The following IDUA variants were observed in gnomAD, a reference collection of about 807,000 sequenced individuals.
The protein encoded by IDUA is alpha-L-iduronidase.
Under a neutral mutation model 68.9 loss-of-function variants are expected in IDUA, and 65 were observed. That is an observed-to-expected ratio of 0.94 (90% CI 0.77 to 1.16). The LOEUF (loss-of-function observed/expected upper bound fraction) is 1.16. Among genes scored for constraint, IDUA ranks in the 50% most tolerant of loss-of-function variants. The pLI is 0.00. For missense variants in IDUA, 1,046 were observed against 938.0 expected (o/e 1.12, Z -1.50); for synonymous variants, 529 against 433.6 (o/e 1.22, Z -2.73).
intron 2 of IDUA, chr4:991,386 GAA>G: frequency 6.2e-7 from 1 of 1,612,750 alleles, no homozygotes; most frequent in East Asian, 2.2e-5. Context: ...GGTTGGCGAA[GAA>G]GGACGTATAG....
chr4:988,626 G>C, intron 2 of IDUA: 1 of 1,383,144 alleles, frequency 7.2e-7, no homozygotes. Context: ...GGAGGCAGAG[G>C]TTCTTGATTT....
In IDUA at chr4:1,004,367, G is replaced by A; in HGVS notation, c.1936G>A (p.Gly646Arg). ...VPYLEVPVPR[G>R]PPSPGNP is the part of the protein sequence containing the mutation. ...GTACCTGGAGGTCCCTGTGCCAAGA[G>A]GGCCCCCATCCCCGGGCAATCCATG... Residue 646 changes from glycine (G) to arginine (R), a missense_variant, in exon 14 of 14, where the codon GGG (glycine) becomes AGG (arginine). By Grantham distance (125) the Gly-to-Arg change is moderately radical (BLOSUM62 -2). Transcript: ENST00000514224. The surrounding 1 kb of genome is among the most constrained non-coding windows in gnomAD (Gnocchi z 5.0). The A allele has an allele frequency of 6.2e-7, 1 of 1,611,234 alleles. No individual in the cohort carries two copies. The highest frequency in any genetic ancestry group is 1.3e-5 in the African/African-American group (1 of 75,020).
chr4:1,003,253 G>T (rs1478154278), intron 10 of IDUA, 92 bp from the exon 11 acceptor site: 4 of 1,329,376 alleles, frequency 3.0e-6, no homozygotes. Flanking sequence ...TGGGTGGGAG[G>T]TGGAGCGGTG....
chr4:1,002,452 G>T lies in IDUA; in HGVS notation c.1156G>T (p.Val386Leu). ...GCACGTGCAGCTGTTGCGCAAGCCGGTGCTCACGGCCATGGGGCTGCTGGC... is the reference window on the plus strand; with the variant it reads ...GCACGTGCAGCTGTTGCGCAAGCCGTTGCTCACGGCCATGGGGCTGCTGGC... ...PPHVQLLRKP[V>L]LTAMGLLALL... Residue 386 changes from valine to leucine, a missense_variant, in exon 8 of 14, where the codon GTG (valine) becomes TTG (leucine). Val to Leu is a conservative substitution (Grantham distance 32). Coordinates refer to ENST00000514224, the MANE Select transcript of IDUA (RefSeq NM_000203.5). The T allele has an allele frequency of 6.4e-7, 1 of 1,557,046 alleles. No homozygotes were observed. The highest frequency in any genetic ancestry group is 1.2e-5 in the South Asian group (1 of 84,918).
Position 1,003,394 on chromosome 4 carries a change from C to A in IDUA, c.1574C>A (p.Thr525Asn). 1 of 1,522,130 alleles carries A rather than the reference C, an allele frequency of 6.6e-7. No individual in the cohort carries two copies. Among genetic ancestry groups the A allele is most frequent in the Admixed American group, 2.0e-5 (1 of 50,072 alleles). 94.3% of individuals were successfully genotyped at this position (1,522,130 alleles called of 1,614,324 possible). A position where few individuals can be genotyped will look rare whatever the true frequency, so the allele number is the denominator to read the frequency against. Reference protein sequence around the residue: ...PRPLPAGGRLTLRPALRLPSL... With the variant: ...PRPLPAGGRLNLRPALRLPSL... ...CCCTTACCCGCCGGCGGCCGCCTGA[C>A]CCTGCGCCCCGCGCTGCGGCTGCCG... Residue 525 changes from threonine (T) to asparagine (N), a missense_variant, in exon 11 of 14, where the codon ACC becomes AAC. Physicochemically the swap from Thr to Asn is moderately conservative, Grantham distance 65. Transcript: ENST00000514224.
intron 4 of IDUA, chr4:1,001,216 C>T (rs1400521197): frequency 2.7e-5 from 17 of 621,584 alleles, no homozygotes; most frequent in Non-Finnish European, 2.3e-5. Flanking sequence ...AGGCCCTGGG[C>T]CCCTGGGGTG....
intron 2 of IDUA, among the ~76,000 whole-genome samples, chr4:993,630 C>CG (rs1168500819): frequency 4.2e-4 from 62 of 149,378 alleles, no homozygotes; most frequent in Non-Finnish European, 6.9e-4. Context: ...TGCGGCCCTG[C>CG]CGGGGGGGCT....
In IDUA at chr4:995,653, C is replaced by G. The variant is rs561676127; in HGVS notation, c.300-4959C>G. 2.6e-4 allele frequency among the ~76,000 whole-genome samples: 40 copies of G among 152,360 alleles called. 1 individual carries two copies. In the South Asian group the frequency reaches 7.4e-3, roughly 28 times the overall value. On this transcript the variant is annotated intron_variant, in intron 2 of 13. Coordinates refer to ENST00000514224, the MANE Select transcript of IDUA (RefSeq NM_000203.5). Reference sequence around the variant, plus strand: ...GAAGCCGAGGGTCTCGCAGAACCAGCTGATGTGCCGGGGCTCCATTTCCCC... The same window carrying G: ...GAAGCCGAGGGTCTCGCAGAACCAGGTGATGTGCCGGGGCTCCATTTCCCC...
In IDUA at chr4:988,941, G is replaced by A. The variant is rs145547219; in HGVS notation, c.299+992G>A. On this transcript the variant is annotated intron_variant, in intron 2 of 13. Coordinates refer to ENST00000514224, the MANE Select transcript of IDUA (RefSeq NM_000203.5). Reference sequence around the variant, plus strand: ...GCTCCTCCTCAGCCGTGTCCCCGGGGCCCTCCCCGAGGAAGCCTCCTCTGC... The same window carrying A: ...GCTCCTCCTCAGCCGTGTCCCCGGGACCCTCCCCGAGGAAGCCTCCTCTGC... The A allele has an allele frequency of 1.2e-4, 184 of 1,598,058 alleles. No homozygotes were observed. Among genetic ancestry groups the A allele is most frequent in the Non-Finnish European group, 1.4e-4 (165 of 1,173,302 alleles).
chr4:1,001,796 G>A lies in IDUA; in HGVS notation c.707G>A (p.Gly236Asp), dbSNP rs1250362489. ...HTPPRSPLSW[G>D]LLRHCHDGTN... is the part of the protein sequence containing the mutation. ...CCACCGCGATCCCCGCTGAGCTGGGGCCTCCTGCGCCACTGCCACGACGGT... is the reference window on the plus strand; with the variant it reads ...CCACCGCGATCCCCGCTGAGCTGGGACCTCCTGCGCCACTGCCACGACGGT... Residue 236 changes from glycine (G) to aspartate (D), a missense_variant, in exon 6 of 14, where the codon GGC becomes GAC. Coordinates refer to ENST00000514224, the MANE Select transcript of IDUA (RefSeq NM_000203.5). 5 of 1,603,906 alleles carry A rather than the reference G, an allele frequency of 3.1e-6. No individual in the cohort carries two copies. Among genetic ancestry groups the A allele is most frequent in the African/African-American group, 1.3e-5 (1 of 74,854 alleles).
At chr4:988,467 G>A (rs1713926461) in intron 2 of IDUA, 3 of 1,108,784 alleles carry the variant, frequency 2.7e-6, no homozygotes, top group Non-Finnish European at 3.3e-6. Flanking sequence ...TGGGCATAGG[G>A]AGTCCTCTTG....
intron 2 of IDUA, chr4:992,149 C>T (rs925968733): frequency 2.1e-5 from 10 of 473,120 alleles, no homozygotes; most frequent in East Asian, 6.4e-5. Context: ...ATGTGCCTAC[C>T]GTCAGAATGT....
intron 2 of IDUA, chr4:991,435 T>C (rs768866040): frequency 6.2e-7 from 1 of 1,612,702 alleles, no homozygotes; most frequent in Non-Finnish European, 8.5e-7. Flanking sequence ...CAGCAATGAG[T>C]AGGCGATGGC....
At chr4:988,459 G>A in intron 2 of IDUA, 1 of 1,108,986 alleles carries the variant, frequency 9.0e-7, no homozygotes, top group Non-Finnish European at 1.1e-6. Context: ...GGCAGGCCTG[G>A]GCATAGGGAG....
intron 2 of IDUA, chr4:989,705 T>G (rs1224319418): frequency 6.4e-7 from 1 of 1,559,834 alleles, no homozygotes; most frequent in East Asian, 2.4e-5. Context: ...GACAGCTGTG[T>G]CCGGCAGCCA....
At chr4:991,640 G>C in intron 2 of IDUA, 1 of 1,559,884 alleles carries the variant, frequency 6.4e-7, no homozygotes, top group Non-Finnish European at 8.6e-7. Flanking sequence ...CGGGGTGCTG[G>C]GCGCTGCCGT....
chr4:1,003,994 T>G lies in IDUA; in HGVS notation c.1728-18T>G. ...GACTGTCTTGACCCCAGCCTTGTTC[T>G]TGGCCTGACCTCCCCAGGTGCCTGT... On this transcript the variant is annotated intron_variant, in intron 12 of 13. Coordinates refer to ENST00000514224, the MANE Select transcript of IDUA (RefSeq NM_000203.5). 6.2e-7 allele frequency: 1 copy of G among 1,602,348 alleles called. No individual in the cohort carries two copies. Among genetic ancestry groups the G allele is most frequent in the Non-Finnish European group, 8.5e-7 (1 of 1,170,554 alleles).
intron 2 of IDUA, 76 bp from the exon 3 acceptor site, chr4:1,000,536 T>C: frequency 1.5e-5 from 17 of 1,162,408 alleles, no homozygotes; most frequent in Non-Finnish European, 2.2e-5. Context: ...ACATGCTCCG[T>C]TGTGGCCACG....
At chr4:992,693 GGCCGGCAGA>G (rs1714466259) in intron 2 of IDUA, 1 of 156,844 alleles carries the variant, frequency 6.4e-6, no homozygotes, top group Non-Finnish European at 1.4e-5. Flanking sequence ...AGTCACCCTG[GGCCGGCAGA>G]GCCGGAAGGG....
Sources: allele counts gnomAD v4.1 joint callset (sites outside exome capture counted in the v4.1 genomes callset), GRCh38; gene constraint gnomAD v4.1.1; non-coding constraint Gnocchi (gnomAD v3.1); transcripts MANE v1.5; gene names NCBI Gene and HGNC (gene_info 2026-07-23, HGNC 2026-07-21).